Variants in USP24 observed in about 807,000 individuals in gnomAD.
USP24 encodes the protein ubiquitin specific peptidase 24, also known as ubiquitin carboxyl-terminal hydrolase 24.
A neutral mutation model predicts 361.6 loss-of-function variants in USP24; 97 were observed. The ratio of observed to expected loss-of-function variants is 0.27; its 90% CI spans 0.23 to 0.32. The LOEUF (loss-of-function observed/expected upper bound fraction) is 0.32, where lower values mean the gene tolerates loss of function less well. Ranked by LOEUF, USP24 falls within the 10% of genes least tolerant of loss-of-function variation. The probability of loss-of-function intolerance (pLI) is 1.00; values close to 1 mark genes in which losing one functional copy is unlikely to be tolerated. For synonymous variants in USP24, 1,098 were observed against 1,124.6 expected, an observed-to-expected ratio of 0.98 and a Z score of 0.47; for missense variants, 2,353 against 3,165.6, an observed-to-expected ratio of 0.74 and a Z score of 6.16.
intron 7 of USP24, among the ~76,000 whole-genome samples, chr1:55,163,923 C>T (rs1648556147): frequency 6.6e-6 from 1 of 151,880 alleles, no homozygotes; most frequent in African/African-American, 2.4e-5. Flanking sequence ...GGAACCAATC[C>T]CCCAGTATAC....
Position 55,104,015 on chromosome 1 carries a change from C to A in USP24, c.4886G>T (p.Ser1629Ile). The A allele has an allele frequency of 1.2e-6, 2 of 1,604,372 alleles. No homozygotes were observed. Among genetic ancestry groups the A allele is most frequent in the Admixed American group, 1.7e-5 (1 of 58,292 alleles). The change falls in exon 42 of 68, where the codon AGT (serine) becomes ATT (isoleucine). Residue 1629 changes from serine (S) to isoleucine (I), a missense_variant. Around this residue, in one of 8 missense-constraint regions of USP24, gnomAD observed 949 missense variants for 1,280.5 expected, o/e 0.74. Coordinates refer to ENST00000294383, the MANE Select transcript of USP24 (RefSeq NM_015306.3). The part of the protein sequence containing the change: ...ISQQDFHPKC[S>I]TANSRLAAYE... Reference sequence around the variant, plus strand: ...GGCTGCCAATCGGCTATTCGCTGTACTACACCTAGAAACAAAAGACACAAG... The same window carrying A: ...GGCTGCCAATCGGCTATTCGCTGTAATACACCTAGAAACAAAAGACACAAG...
At chr1:55,096,384 A>T in intron 50 of USP24, 114 bp downstream of exon 50, 1 of 869,628 alleles carries the variant, frequency 1.1e-6, no homozygotes. Flanking sequence ...CTAGAACAGT[A>T]GTACAATAAA....
intron 56 of USP24, 57 bp downstream of exon 56, chr1:55,085,885 T>G: frequency 1.3e-6 from 2 of 1,550,490 alleles, no homozygotes; most frequent in Non-Finnish European, 1.8e-6. Context: ...TTACCTGCAA[T>G]TTAAAACATT....
chr1:55,074,956 A>G (rs956052091), intron 63 of USP24, among the ~76,000 whole-genome samples: 1 of 152,204 alleles, frequency 6.6e-6, no homozygotes, highest in African/African-American at 2.4e-5. Flanking sequence ...TTTTTCTAAT[A>G]AATAGCTCAG....
intron 1 of USP24, among the ~76,000 whole-genome samples, chr1:55,181,241 C>T (rs535198631): frequency 7.7e-4 from 117 of 151,848 alleles, no homozygotes; most frequent in African/African-American, 2.6e-3. Context: ...TAAAGAAATC[C>T]AACACATTTC....
chr1:55,181,879 G>C (rs1261841155), intron 1 of USP24, among the ~76,000 whole-genome samples: 1 of 152,132 alleles, frequency 6.6e-6, no homozygotes, highest in Non-Finnish European at 1.5e-5. Context: ...AAGGTTAAAT[G>C]AGGTCATAAG....
At chr1:55,187,177 A>C (rs1258701093) in intron 1 of USP24, among the ~76,000 whole-genome samples, 1 of 152,220 alleles carries the variant, frequency 6.6e-6, no homozygotes, top group African/African-American at 2.4e-5. Context: ...AAAGGACATA[A>C]AAAATCACGA....
At chr1:55,145,418 A>T (rs1331331210) in intron 20 of USP24, among the ~76,000 whole-genome samples, 3 of 152,252 alleles carry the variant, frequency 2.0e-5, no homozygotes, top group Non-Finnish European at 4.4e-5. Flanking sequence ...GAGACGACAG[A>T]TCACAGTGTA....
At chr1:55,124,438 G>GT in intron 35 of USP24, 31 bp downstream of exon 35, 1 of 1,590,128 alleles carries the variant, frequency 6.3e-7, no homozygotes. Flanking sequence ...CTTACCCAGT[G>GT]TTCTCATTAC....
intron 1 of USP24, among the ~76,000 whole-genome samples, chr1:55,195,582 T>C (rs1557696822): frequency 6.6e-6 from 1 of 152,188 alleles, no homozygotes; most frequent in Non-Finnish European, 1.5e-5. Flanking sequence ...GTAAGAGTAT[T>C]ACGAAAGTAC....
chr1:55,138,528 T>A (rs906202198), intron 26 of USP24, 80 bp downstream of exon 26: 7 of 971,994 alleles, frequency 7.2e-6, no homozygotes, highest in Non-Finnish European at 6.1e-6. Context: ...TGATTATTCA[T>A]GCAGCTAACT....
chr1:55,108,498 T>A (rs890197493), intron 39 of USP24, among the ~76,000 whole-genome samples: 8 of 152,188 alleles, frequency 5.3e-5, no homozygotes, highest in Non-Finnish European at 8.8e-5. Flanking sequence ...TTTCCTTATT[T>A]ATGCAATGAG....
At chr1:55,115,777 T>C (rs1446917422) in intron 38 of USP24, among the ~76,000 whole-genome samples, 1 of 152,102 alleles carries the variant, frequency 6.6e-6, no homozygotes, top group Admixed American at 6.5e-5. Flanking sequence ...CAAATGCCCA[T>C]CAATGATAGA....
rs1022240767 is a variant in USP24 at position 55,214,721 on chromosome 1, G to A, written c.324+69C>T. ...CTCTCTCCCCACACCAAGCCCAGCG[G>A]GGTGTGTCCCCTCCCAGGAACTCCA... On this transcript the variant is annotated intron_variant, in intron 1 of 67. Coordinates refer to ENST00000294383, the MANE Select transcript of USP24 (RefSeq NM_015306.3). 6.3e-6 allele frequency: 7 copies of A among 1,109,866 alleles called. No homozygotes were observed. The African/African-American group carries it at 1.0e-4, about 16-fold the overall frequency. The allele number at this position is 1,109,866 out of a possible 1,614,324, so 68.8% of individuals were successfully genotyped here.
intron 11 of USP24, 55 bp downstream of exon 11, chr1:55,157,201 A>C: frequency 2.9e-6 from 4 of 1,378,582 alleles, no homozygotes; most frequent in Non-Finnish European, 4.0e-6. Context: ...TTTAATACAA[A>C]GATATATTAT....
intron 4 of USP24, 65 bp downstream of exon 4, chr1:55,172,312 C>A: frequency 7.2e-7 from 1 of 1,384,850 alleles, no homozygotes; most frequent in Admixed American, 2.6e-5. Flanking sequence ...AATTACAAGT[C>A]AGAGAACAGC....
chr1:55,153,652 C>T (rs921034250), intron 16 of USP24, among the ~76,000 whole-genome samples: 2 of 152,072 alleles, frequency 1.3e-5, no homozygotes, highest in Non-Finnish European at 1.5e-5. Flanking sequence ...AATAAAATTA[C>T]TCTTTGAATG....
chr1:55,128,957 C>G (rs1646516734), intron 32 of USP24, among the ~76,000 whole-genome samples: 1 of 151,970 alleles, frequency 6.6e-6, no homozygotes, highest in South Asian at 2.1e-4. Context: ...TGGGCTCAAG[C>G]AATCCTCCTG....
At chr1:55,115,240 C>T (rs1052133367) in intron 38 of USP24, among the ~76,000 whole-genome samples, 7 of 151,976 alleles carry the variant, frequency 4.6e-5, no homozygotes, top group African/African-American at 7.2e-5. Context: ...GAAACAAGGC[C>T]GGGCGCGGTG....
Sources: gnomAD v4.1 joint callset for allele counts (sites outside exome capture counted in the v4.1 genomes callset) on GRCh38, gnomAD v4.1.1 for gene constraint, gnomAD v4.1.1 regional missense constraint, MANE v1.5 for transcripts, NCBI Gene and HGNC (gene_info 2026-07-23, HGNC 2026-07-21) for gene names.